ZNF322: variants seen among roughly 807,000 people sequenced by gnomAD.
The protein encoded by ZNF322 is HLA complex group 12.
ZNF322 carries 1 observed loss-of-function variant against 18.3 expected under a neutral mutation model. The ratio of observed to expected loss-of-function variants is 0.05; its 90% CI spans 0.02 to 0.26. ZNF322 has a LOEUF of 0.26. Ranked by LOEUF, ZNF322 falls within the 10% of genes least tolerant of loss-of-function variation. The probability of loss-of-function intolerance (pLI) is 1.00; values close to 1 mark genes in which losing one functional copy is unlikely to be tolerated. For synonymous variants in ZNF322, 17 were observed against 130.7 expected (o/e 0.13, Z 5.93); for missense variants, 36 against 403.6 (o/e 0.09, Z 7.80).
intron 3 of ZNF322, among the ~76,000 whole-genome samples, chr6:26,640,402 G>A (rs1024203847): frequency 5.3e-5 from 8 of 152,122 alleles, no homozygotes; most frequent in Admixed American, 5.2e-4. Flanking sequence ...CTTTGCTGTT[G>A]TTCAAACAAG....
intron 2 of ZNF322, among the ~76,000 whole-genome samples, chr6:26,649,208 C>T (rs990093200): frequency 3.9e-5 from 6 of 152,116 alleles, no homozygotes; most frequent in African/African-American, 1.2e-4. Flanking sequence ...GGTAACTAAA[C>T]CCATGAGACA....
At chr6:26,651,851 G>A (rs1765675716) in intron 2 of ZNF322, among the ~76,000 whole-genome samples, 1 of 152,110 alleles carries the variant, frequency 6.6e-6, no homozygotes, top group Non-Finnish European at 1.5e-5. Flanking sequence ...TTATATTTTT[G>A]GGATGGGTCT....
chr6:26,656,864 C>G (rs1259307449), intron 2 of ZNF322, among the ~76,000 whole-genome samples: 2 of 151,932 alleles, frequency 1.3e-5, no homozygotes, highest in Non-Finnish European at 2.9e-5. Flanking sequence ...AAAAAAAAAA[C>G]TGAATAAATA....
chr6:26,647,865 T>C (rs1159883126), intron 2 of ZNF322, among the ~76,000 whole-genome samples: 1 of 146,932 alleles, frequency 6.8e-6, no homozygotes, highest in African/African-American at 2.5e-5. Flanking sequence ...AAAATTTTAA[T>C]ATCCAATATC....
rs1581484650 is a variant in ZNF322 at position 26,636,690 on chromosome 6, A to C, written c.*655T>G. The C allele has an allele frequency of 8.1e-6, 1 of 123,326 alleles. No individual in the cohort carries two copies. Among genetic ancestry groups the C allele is most frequent in the Non-Finnish European group, 1.7e-5 (1 of 59,150 alleles). The allele number at this position is 123,326 out of a possible 1,614,324, so 7.6% of individuals were successfully genotyped here. Reference sequence around the variant, plus strand: ...ACCTATGTGAGTTCCCTGATGTACCACAAGAGTTGATCATTGACAAGCACT... The same window carrying C: ...ACCTATGTGAGTTCCCTGATGTACCCCAAGAGTTGATCATTGACAAGCACT... On this transcript the variant is annotated 3_prime_UTR_variant, in exon 4 of 4. Coordinates refer to ENST00000415922, the MANE Select transcript of ZNF322 (RefSeq NM_024639.5).
intron 2 of ZNF322, among the ~76,000 whole-genome samples, chr6:26,654,270 G>C (rs954524222): frequency 3.3e-5 from 5 of 152,174 alleles, no homozygotes; most frequent in South Asian, 2.1e-4. Context: ...ACGTATATAT[G>C]TGTGAAATTA....
At chr6:26,653,505 T>C (rs1478770510) in intron 2 of ZNF322, among the ~76,000 whole-genome samples, 1 of 152,200 alleles carries the variant, frequency 6.6e-6, no homozygotes, top group Admixed American at 6.5e-5. Flanking sequence ...CTATGGTACA[T>C]ACATCCACAC....
At chr6:26,651,058 T>C (rs1554149149) in intron 2 of ZNF322, among the ~76,000 whole-genome samples, 1 of 152,062 alleles carries the variant, frequency 6.6e-6, no homozygotes. Flanking sequence ...ACTAAAGCTA[T>C]AGTAATCAAG....
intron 2 of ZNF322, among the ~76,000 whole-genome samples, chr6:26,657,937 C>A (rs1303875184): frequency 6.6e-6 from 1 of 151,914 alleles, no homozygotes; most frequent in Admixed American, 6.6e-5. Context: ...TGGAACACGA[C>A]AAAAGTCCAA....
intron 2 of ZNF322, among the ~76,000 whole-genome samples, chr6:26,657,979 T>A (rs1417069109): frequency 1.3e-5 from 2 of 152,190 alleles, no homozygotes; most frequent in African/African-American, 4.8e-5. Flanking sequence ...ACTTGAGAGT[T>A]CATGGTTATC....
At chr6:26,649,637 ATGTGTGTGTGTG>A (rs58521273) in intron 2 of ZNF322, among the ~76,000 whole-genome samples, 73 of 67,616 alleles carry the variant, frequency 1.1e-3, no homozygotes, top group Middle Eastern at 0.01. Context: ...ATACATACAT[ATGTGTGTGTGTG>A]TGTGTGTGTG....
rs932062629 is a variant in ZNF322 at position 26,643,812 on chromosome 6, G to A, written c.-245-84C>T. 3 of 152,380 alleles carry A rather than the reference G, an allele frequency of 2.0e-5. No individual in the cohort carries two copies. In the East Asian group the frequency reaches 5.8e-4, roughly 29 times the overall value. 9.4% of individuals were successfully genotyped at this position (152,380 alleles called of 1,614,324 possible). ...ATTTACACTCAAAGGATTTAACAAT[G>A]GGTAAACTACAGTTAAAAAGAACAG... On this transcript the variant is annotated intron_variant, in intron 2 of 3. Transcript: ENST00000415922.
intron 2 of ZNF322, among the ~76,000 whole-genome samples, chr6:26,655,645 A>G (rs1765756373): frequency 6.6e-6 from 1 of 152,228 alleles, no homozygotes; most frequent in African/African-American, 2.4e-5. Context: ...AAGTTAATGC[A>G]TTGGAAACTT....
intron 2 of ZNF322, among the ~76,000 whole-genome samples, chr6:26,648,809 C>T (rs1765599952): frequency 6.6e-6 from 1 of 152,212 alleles, no homozygotes; most frequent in African/African-American, 2.4e-5. Flanking sequence ...GGAAGGACAG[C>T]CTTTGTTCTT....
At chr6:26,649,663 GTGTGTGTGTGTGTATATATA>G (rs1182302217) in intron 2 of ZNF322, among the ~76,000 whole-genome samples, 2 of 44,974 alleles carry the variant, frequency 4.4e-5, no homozygotes, top group Non-Finnish European at 8.9e-5. Context: ...GTGTGTGTGT[GTGTGTGTGTGTGTATATATA>G]TATATATATA....
intron 2 of ZNF322, among the ~76,000 whole-genome samples, chr6:26,649,680 TATATATATATATATA>T (rs1561924850): frequency 6.4e-3 from 149 of 23,124 alleles, no homozygotes; most frequent in African/African-American, 0.026. Context: ...TGTGTGTATA[TATATATATATATATA>T]TATATATTTT....
chr6:26,647,814 A>G (rs1281419922), intron 2 of ZNF322, among the ~76,000 whole-genome samples: 8 of 152,154 alleles, frequency 5.3e-5, no homozygotes, highest in Admixed American at 5.2e-4. Context: ...TTGTGAAATA[A>G]GGATAGCACT....
intron 3 of ZNF322, among the ~76,000 whole-genome samples, chr6:26,641,991 T>A (rs1004773272): frequency 9.2e-5 from 14 of 151,852 alleles, no homozygotes; most frequent in Admixed American, 9.2e-4. Context: ...TGTCTCCTGC[T>A]CATCCCTGGG....
In ZNF322 at chr6:26,659,641, T is replaced by C. The variant is rs1404108663; in HGVS notation, c.-535A>G. 1 of 166,202 alleles carries C rather than the reference T, an allele frequency of 6.0e-6. No homozygotes were observed. The highest frequency in any genetic ancestry group is 2.4e-5 in the African/African-American group (1 of 41,454). 10.3% of individuals were successfully genotyped at this position (166,202 alleles called of 1,614,324 possible). A position where few individuals can be genotyped will look rare whatever the true frequency, so the allele number is the denominator to read the frequency against. On this transcript the variant is annotated 5_prime_UTR_variant, in exon 1 of 4. Transcript: ENST00000415922. ...CTTCGTGCGCCTAGACTAGAGGAGT[T>C]GGGGCCAGGCCGCCCACAGAGCGCT...
Sources: gnomAD v4.1 joint callset for allele counts (sites outside exome capture counted in the v4.1 genomes callset) on GRCh38, gnomAD v4.1.1 for gene constraint, MANE v1.5 for transcripts, NCBI Gene and HGNC (gene_info 2026-07-23, HGNC 2026-07-21) for gene names.